The following SDC2 variants were observed in gnomAD, a reference collection of about 807,000 sequenced individuals.
SDC2 encodes syndecan 2, also known as syndecan-2.
A neutral mutation model predicts 22.2 loss-of-function variants in SDC2; 13 were observed. The observed-to-expected ratio is 0.59, with a 90% CI of 0.38 to 0.93. The LOEUF is 0.93. Ranked by LOEUF, SDC2 falls within the 40% of genes least tolerant of loss-of-function variation. The probability of loss-of-function intolerance (pLI) is 0.00; values close to 1 mark genes in which losing one functional copy is unlikely to be tolerated. For missense variants in SDC2, 235 were observed against 246.8 expected (o/e 0.95, Z 0.32); for synonymous variants, 94 against 92.8 (o/e 1.01, Z -0.07).
At chr8:96,497,521 A>G (rs955179511) in intron 1 of SDC2, among the ~76,000 whole-genome samples, 5 of 152,184 alleles carry the variant, frequency 3.3e-5, no homozygotes, top group African/African-American at 4.8e-5. Flanking sequence ...CCTGTGTAAT[A>G]TGATCACTTA....
chr8:96,563,953 A>T (rs914918053), intron 1 of SDC2, among the ~76,000 whole-genome samples: 3 of 152,214 alleles, frequency 2.0e-5, no homozygotes, highest in Non-Finnish European at 2.9e-5. Flanking sequence ...CTCTGTCATT[A>T]CAGACCAACA....
intron 1 of SDC2, among the ~76,000 whole-genome samples, chr8:96,565,706 A>G (rs1814289077): frequency 6.6e-6 from 1 of 152,082 alleles, no homozygotes. Context: ...TAGTTTGGGA[A>G]AGACTGCCTT....
intron 1 of SDC2, among the ~76,000 whole-genome samples, chr8:96,544,072 T>C (rs755938769): frequency 2.6e-5 from 4 of 152,228 alleles, no homozygotes; most frequent in Non-Finnish European, 5.9e-5. Context: ...CCCATGATAT[T>C]GACTTGTAGA....
intron 1 of SDC2, among the ~76,000 whole-genome samples, chr8:96,589,541 T>C (rs1033330289): frequency 1.3e-5 from 2 of 152,060 alleles, no homozygotes; most frequent in Non-Finnish European, 2.9e-5. Context: ...GCCTTGCGAG[T>C]AGCTGGGATT....
intron 1 of SDC2, among the ~76,000 whole-genome samples, chr8:96,576,670 C>T (rs921162948): frequency 4.0e-5 from 6 of 150,374 alleles, no homozygotes; most frequent in African/African-American, 4.9e-5. Context: ...CCGCCCGCCT[C>T]GGCCTCCCAA....
intron 1 of SDC2, among the ~76,000 whole-genome samples, chr8:96,553,479 A>G (rs962803991): frequency 6.6e-6 from 1 of 151,312 alleles, no homozygotes; most frequent in Non-Finnish European, 1.5e-5. Context: ...TAAGTCCACA[A>G]CTAAGTTTGA....
intron 1 of SDC2, among the ~76,000 whole-genome samples, chr8:96,518,566 G>T (rs902485067): frequency 6.6e-6 from 1 of 151,978 alleles, no homozygotes; most frequent in Non-Finnish European, 1.5e-5. Flanking sequence ...CACCATGTTG[G>T]CCAGATGGTC....
At chr8:96,496,472 A>C (rs541372082) in intron 1 of SDC2, among the ~76,000 whole-genome samples, 1 of 152,370 alleles carries the variant, frequency 6.6e-6, no homozygotes, top group Non-Finnish European at 1.5e-5. Flanking sequence ...GCAGTGAGTC[A>C]GTCTTTCTAA....
At chr8:96,597,585 G>A (rs886440969) in intron 2 of SDC2, among the ~76,000 whole-genome samples, 1 of 152,122 alleles carries the variant, frequency 6.6e-6, no homozygotes, top group Non-Finnish European at 1.5e-5. Context: ...CTTACAGGAA[G>A]AAAAAAATTC....
chr8:96,595,494 C>T (rs1335350626), intron 2 of SDC2, among the ~76,000 whole-genome samples: 1 of 148,864 alleles, frequency 6.7e-6, no homozygotes, highest in Non-Finnish European at 1.5e-5. Flanking sequence ...ATATCTTTCA[C>T]TCATGGCACC....
chr8:96,573,143 A>G (rs1047164573), intron 1 of SDC2, among the ~76,000 whole-genome samples: 2 of 152,164 alleles, frequency 1.3e-5, no homozygotes, highest in African/African-American at 2.4e-5. Flanking sequence ...TACAGTTTAC[A>G]TGAACTATTT....
rs1000474074 is a variant in SDC2, at chr8:96,610,945, C to T, written c.*1397C>T. On this transcript the variant is annotated 3_prime_UTR_variant, in exon 5 of 5. Coordinates refer to ENST00000302190, the MANE Select transcript of SDC2 (RefSeq NM_002998.4). Reference sequence around the variant, plus strand: ...ATGGCAATATTAAGACAGACGCCTGCTTTTGCAAATAACTTACAAGACTGT... The same window carrying T: ...ATGGCAATATTAAGACAGACGCCTGTTTTTGCAAATAACTTACAAGACTGT... 2 of 152,658 alleles carry T rather than the reference C, an allele frequency of 1.3e-5. No individual in the cohort carries two copies. The highest frequency in any genetic ancestry group is 4.8e-5 in the African/African-American group (2 of 41,462). The allele number at this position is 152,658 out of a possible 1,614,324, so 9.5% of individuals were successfully genotyped here.
intron 1 of SDC2, among the ~76,000 whole-genome samples, chr8:96,538,250 G>A (rs1166189003): frequency 6.6e-6 from 1 of 152,154 alleles, no homozygotes; most frequent in Non-Finnish European, 1.5e-5. Flanking sequence ...GTGAGCCACT[G>A]CGCCCAGCCA....
intron 1 of SDC2, among the ~76,000 whole-genome samples, chr8:96,540,636 C>G (rs955784223): frequency 6.6e-6 from 1 of 152,150 alleles, no homozygotes; most frequent in African/African-American, 2.4e-5. Context: ...ACTCCTTTCC[C>G]CCAACACTCC....
intron 1 of SDC2, among the ~76,000 whole-genome samples, chr8:96,576,373 TG>T (rs1450291257): frequency 0.024 from 808 of 34,238 alleles, 98 homozygotes; most frequent in African/African-American, 0.051. Context: ...AGTTTGTTTT[TG>T]TTTTGTTTTG....
intron 1 of SDC2, among the ~76,000 whole-genome samples, chr8:96,538,354 A>G (rs113137073): frequency 9.4e-4 from 143 of 152,340 alleles, no homozygotes; most frequent in African/African-American, 3.4e-3. Flanking sequence ...AAAAATATGA[A>G]TGTACCTCTT....
At chr8:96,588,512 A>G (rs988692820) in intron 1 of SDC2, among the ~76,000 whole-genome samples, 2 of 152,238 alleles carry the variant, frequency 1.3e-5, no homozygotes, top group Non-Finnish European at 2.9e-5. Flanking sequence ...ATAAAAGTTA[A>G]TATACATTTG....
intron 1 of SDC2, among the ~76,000 whole-genome samples, chr8:96,521,212 A>T (rs1273733184): frequency 5.9e-5 from 9 of 152,220 alleles, no homozygotes; most frequent in Admixed American, 5.2e-4. Context: ...GGAAACCAAA[A>T]GCATTTTTGA....
intron 2 of SDC2, among the ~76,000 whole-genome samples, chr8:96,598,778 C>G (rs1490655552): frequency 1.3e-5 from 2 of 151,750 alleles, no homozygotes; most frequent in African/African-American, 4.8e-5. Context: ...GGGAAACAGG[C>G]CTTGGAGTAG....
Sources: gnomAD v4.1 joint callset for allele counts (sites outside exome capture counted in the v4.1 genomes callset) on GRCh38, gnomAD v4.1.1 for gene constraint, MANE v1.5 for transcripts, NCBI Gene and HGNC (gene_info 2026-07-23, HGNC 2026-07-21) for gene names.